KDM4B: variants seen among roughly 807,000 people sequenced by gnomAD.
KDM4B encodes lysine-specific demethylase 4B.
A neutral mutation model predicts 125.2 loss-of-function variants in KDM4B; 32 were observed. That is an observed-to-expected ratio of 0.26 (90% CI 0.19 to 0.34). The LOEUF (loss-of-function observed/expected upper bound fraction) is 0.34. Ranked by LOEUF, KDM4B falls within the 10% of genes least tolerant of loss-of-function variation. The pLI is 1.00. For missense variants in KDM4B, 1,190 were observed against 1,577.7 expected (o/e 0.75, Z 4.16); for synonymous variants, 721 against 677.9 (o/e 1.06, Z -0.99).
At chr19:5,057,133 G>A (rs375084137) in intron 6 of KDM4B, among the ~76,000 whole-genome samples, 3 of 151,196 alleles carry the variant, frequency 2.0e-5, no homozygotes, top group Admixed American at 6.6e-5. Flanking sequence ...GTCAGGACAC[G>A]GCCCCCACCT....
intron 10 of KDM4B, among the ~76,000 whole-genome samples, chr19:5,117,937 C>T (rs527573361): frequency 9.9e-5 from 15 of 152,274 alleles, no homozygotes; most frequent in African/African-American, 1.7e-4. Context: ...CAAGGAGGGC[C>T]GGCAGTGACT....
At chr19:5,130,562 G>C (rs2039523713) in intron 11 of KDM4B, among the ~76,000 whole-genome samples, 1 of 152,224 alleles carries the variant, frequency 6.6e-6, no homozygotes, top group Non-Finnish European at 1.5e-5. Flanking sequence ...GATTTTGTGC[G>C]TTGTTCAAGG....
chr19:5,088,663 C>CA (rs1483981794), intron 9 of KDM4B, among the ~76,000 whole-genome samples: 3 of 105,980 alleles, frequency 2.8e-5, no homozygotes, highest in African/African-American at 6.8e-5. Context: ...AGGCCCCCCC[C>CA]CTCCCCCCCC....
At position 5,131,563 on chromosome 19, in the gene KDM4B, A is replaced by T. The variant is rs746060127; in HGVS notation, c.1785+18A>T. Reference sequence around the variant, plus strand: ...AGGGGCAGGTGGGGTGGAGCGGGGGAGGCAGGGAGGAGGGGGGCAGGTGGG... The same window carrying T: ...AGGGGCAGGTGGGGTGGAGCGGGGGTGGCAGGGAGGAGGGGGGCAGGTGGG... On this transcript the variant is annotated intron_variant, in intron 12 of 22. Transcript: ENST00000159111. 7.9e-6 allele frequency: 1 copy of T among 126,476 alleles called. No individual in the cohort carries two copies. The highest frequency in any genetic ancestry group is 1.3e-5 in the Non-Finnish European group (1 of 74,428). The allele number at this position is 126,476 out of a possible 1,614,324, so 7.8% of individuals were successfully genotyped here.
At chr19:4,986,199 A>G (rs1431832032) in intron 1 of KDM4B, among the ~76,000 whole-genome samples, 1 of 152,158 alleles carries the variant, frequency 6.6e-6, no homozygotes, top group Non-Finnish European at 1.5e-5. Flanking sequence ...GCCAAGGGCC[A>G]GCATGTCTGC....
chr19:5,079,499 G>A (rs915484830), intron 8 of KDM4B, among the ~76,000 whole-genome samples: 8 of 152,174 alleles, frequency 5.3e-5, no homozygotes, highest in African/African-American at 1.9e-4. Flanking sequence ...CACTGTGAGA[G>A]CTTGGCTCTC....
At chr19:5,108,511 T>C (rs976930941) in intron 9 of KDM4B, among the ~76,000 whole-genome samples, 4 of 152,098 alleles carry the variant, frequency 2.6e-5, no homozygotes, top group African/African-American at 9.7e-5. Context: ...CTGCAGGAAA[T>C]TCCACAGGAA....
At position 5,131,559 on chromosome 19, in the gene KDM4B, G is replaced by T; in HGVS notation, c.1785+14G>T. On this transcript the variant is annotated intron_variant, in intron 12 of 22. Coordinates refer to ENST00000159111, the MANE Select transcript of KDM4B (RefSeq NM_015015.3). ...GGAGAGGGGCAGGTGGGGTGGAGCG[G>T]GGGAGGCAGGGAGGAGGGGGGCAGG... 1.1e-6 allele frequency: 1 copy of T among 893,122 alleles called. No homozygotes were observed. Among genetic ancestry groups the T allele is most frequent in the South Asian group, 2.0e-5 (1 of 50,290 alleles). The allele number at this position is 893,122 out of a possible 1,614,324, so 55.3% of individuals were successfully genotyped here. A position where few individuals can be genotyped will look rare whatever the true frequency, so the allele number is the denominator to read the frequency against.
intron 9 of KDM4B, among the ~76,000 whole-genome samples, chr19:5,100,336 A>T (rs774940042): frequency 1.3e-5 from 2 of 152,146 alleles, no homozygotes; most frequent in African/African-American, 4.8e-5. Flanking sequence ...ATCACTCGCT[A>T]TTGGGCTTTC....
intron 9 of KDM4B, among the ~76,000 whole-genome samples, chr19:5,102,738 C>T (rs2038962411): frequency 6.6e-6 from 1 of 152,112 alleles, no homozygotes. Context: ...GGGTGCAGCA[C>T]CCGCCCCGCC....
At chr19:5,034,612 A>G (rs1193479292) in intron 3 of KDM4B, among the ~76,000 whole-genome samples, 1 of 152,194 alleles carries the variant, frequency 6.6e-6, no homozygotes. Flanking sequence ...CGAGGGCCGC[A>G]GTTTGCTGAG....
Position 5,131,333 on chromosome 19 carries a change from A to G in KDM4B, c.1573A>G (p.Ile525Val), listed in dbSNP as rs770476402. 2 of 1,612,132 alleles carry G rather than the reference A, an allele frequency of 1.2e-6. No homozygotes were observed. The highest frequency in any genetic ancestry group is 3.3e-5 in the Admixed American group (2 of 59,990). The change falls in exon 12 of 23, where the codon ATC becomes GTC. Residue 525 changes from isoleucine to valine, a missense_variant. Coordinates refer to ENST00000159111, the MANE Select transcript of KDM4B (RefSeq NM_015015.3). ...GGAGCTAGAGGCCAAGCCTCGGCCC[A>G]TCATCCCCATGCTGTACGTGGTGCC... ...SEELEAKPRP[I>V]IPMLYVVPRP... is the part of the protein sequence containing the mutation.
At chr19:5,014,693 G>A (rs2035836531) in intron 1 of KDM4B, among the ~76,000 whole-genome samples, 1 of 152,180 alleles carries the variant, frequency 6.6e-6, no homozygotes, top group Non-Finnish European at 1.5e-5. Flanking sequence ...ACAGGTGTGA[G>A]CCACTGTACT....
At chr19:5,139,225 A>G (rs1282920038) in intron 18 of KDM4B, among the ~76,000 whole-genome samples, 2 of 152,070 alleles carry the variant, frequency 1.3e-5, no homozygotes, top group East Asian at 1.9e-4. Context: ...TTCATTTGGC[A>G]TAGTTTCCTC....
Position 5,133,999 on chromosome 19 carries a change from G to A in KDM4B, c.2023G>A (p.Ala675Thr), listed in dbSNP as rs762681895. Residue 675 changes from alanine (A) to threonine (T), a missense_variant, in exon 14 of 23, where the codon GCA (alanine) becomes ACA (threonine). By Grantham distance (58) the Ala-to-Thr change is moderately conservative. Around this residue, in one of 7 missense-constraint regions of KDM4B, gnomAD observed 128 missense variants for 137.8 expected, o/e 0.93. Transcript: ENST00000159111. ...ASFQAERKFN[A>T]AAARTEPYCA... Reference sequence around the variant, plus strand: ...CTTCCAGGCCGAGAGGAAGTTCAACGCAGCGGCTGCGCGCACGGAGCCCTA... The same window carrying A: ...CTTCCAGGCCGAGAGGAAGTTCAACACAGCGGCTGCGCGCACGGAGCCCTA... 16 of 1,611,640 alleles carry A rather than the reference G, an allele frequency of 9.9e-6. No individual in the cohort carries two copies. Among genetic ancestry groups the A allele is most frequent in the African/African-American group, 1.3e-5 (1 of 74,928 alleles).
chr19:5,050,671 C>T (rs1486003272), intron 6 of KDM4B, among the ~76,000 whole-genome samples: 2 of 152,170 alleles, frequency 1.3e-5, no homozygotes, highest in Non-Finnish European at 2.9e-5. Flanking sequence ...GAGGCTGAGG[C>T]GGTTGGATCA....
At chr19:5,004,488 C>T (rs2035494928) in intron 1 of KDM4B, among the ~76,000 whole-genome samples, 1 of 152,200 alleles carries the variant, frequency 6.6e-6, no homozygotes, top group Non-Finnish European at 1.5e-5. Context: ...CCCACCCCAG[C>T]CCGGCAGCTT....
rs2034257888 is a variant in KDM4B, at chr19:4,971,505, A to C, written c.-109+2275A>C. Among the ~76,000 whole-genome samples the C allele has an allele frequency of 6.6e-6, 1 of 152,100 alleles. No individual in the cohort carries two copies. Among genetic ancestry groups the C allele is most frequent in the East Asian group, 1.9e-4 (1 of 5,186 alleles). On this transcript the variant is annotated intron_variant, in intron 1 of 22. Coordinates refer to ENST00000159111, the MANE Select transcript of KDM4B (RefSeq NM_015015.3). The surrounding 1 kb of genome is among the most constrained non-coding windows in gnomAD (Gnocchi z 4.1). ...GAGGAGCCTCAGCTCTGGGGAAGCC[A>C]TCTGTCCTCGGTTCCATCTGACACC...
At chr19:5,000,044 T>TCCA (rs2035329678) in intron 1 of KDM4B, among the ~76,000 whole-genome samples, 1 of 68,226 alleles carries the variant, frequency 1.5e-5, no homozygotes, top group Non-Finnish European at 2.7e-5. Flanking sequence ...CACCCACCAA[T>TCCA]CCCATTTACT....
Sources: allele counts gnomAD v4.1 joint callset (sites outside exome capture counted in the v4.1 genomes callset), GRCh38; gene constraint gnomAD v4.1.1; regional missense constraint gnomAD v4.1.1; non-coding constraint Gnocchi (gnomAD v3.1); transcripts MANE v1.5; gene names NCBI Gene and HGNC (gene_info 2026-07-23, HGNC 2026-07-21).